PRDM5: variants seen among roughly 807,000 people sequenced by gnomAD.
PRDM5 encodes PR domain zinc finger protein 5.
A neutral mutation model predicts 81.2 loss-of-function variants in PRDM5; 56 were observed. The observed-to-expected ratio is 0.69, with a 90% CI of 0.56 to 0.86. PRDM5 has a LOEUF of 0.86. PRDM5 is among the 40% of genes least tolerant of loss of function. The probability of loss-of-function intolerance (pLI) is 0.00; values close to 1 mark genes in which losing one functional copy is unlikely to be tolerated. For missense variants in PRDM5, 697 were observed against 770.1 expected (o/e 0.91, Z 1.12); for synonymous variants, 267 against 256.4 (o/e 1.04, Z -0.39).
intron 15 of PRDM5, among the ~76,000 whole-genome samples, chr4:120,707,513 T>C (rs1431479073): frequency 1.3e-5 from 2 of 151,794 alleles, no homozygotes; most frequent in Non-Finnish European, 2.9e-5. Flanking sequence ...GAATAGACCC[T>C]TTCCTTATAC....
At chr4:120,842,246 C>A (rs571209081) in intron 3 of PRDM5, among the ~76,000 whole-genome samples, 5 of 152,306 alleles carry the variant, frequency 3.3e-5, no homozygotes, top group Admixed American at 1.3e-4. Flanking sequence ...TACACACATA[C>A]AAGTACATAC....
intron 15 of PRDM5, among the ~76,000 whole-genome samples, chr4:120,701,821 G>T (rs988874793): frequency 2.0e-5 from 3 of 150,810 alleles, no homozygotes; most frequent in African/African-American, 7.3e-5. Flanking sequence ...ATCTAAAATA[G>T]AAATTGAAAA....
intron 3 of PRDM5, among the ~76,000 whole-genome samples, chr4:120,833,341 A>G (rs1037256560): frequency 5.3e-5 from 8 of 151,986 alleles, no homozygotes; most frequent in African/African-American, 1.7e-4. Flanking sequence ...GTCACTTGGT[A>G]GCCTTCTCGG....
intron 8 of PRDM5, among the ~76,000 whole-genome samples, chr4:120,807,801 G>A (rs1409277699): frequency 6.6e-6 from 1 of 152,192 alleles, no homozygotes; most frequent in Non-Finnish European, 1.5e-5. Flanking sequence ...GACTTTCACG[G>A]TGAGTGTTAC....
intron 1 of PRDM5, among the ~76,000 whole-genome samples, chr4:120,685,984 C>T (rs2148974818): frequency 6.6e-6 from 1 of 152,062 alleles, no homozygotes; most frequent in Non-Finnish European, 1.5e-5. Flanking sequence ...CCTTAGTGTT[C>T]TCCTTGCAAT....
Position 120,785,108 on chromosome 4 carries a change from C to CT in PRDM5, c.1189-18dup. 6.4e-7 allele frequency: 1 copy of CT among 1,561,602 alleles called. No homozygotes were observed. Among genetic ancestry groups the CT allele is most frequent in the East Asian group, 2.2e-5 (1 of 44,588 alleles). On this transcript the variant is annotated splice_polypyrimidine_tract_variant and intron_variant, in intron 10 of 15. Coordinates refer to ENST00000264808, the MANE Select transcript of PRDM5 (RefSeq NM_018699.4). ...AGAGTGGGTCTGCAGAGGAAAAACA[C>CT]TGAGTCAGGAGGATCTAGAATCAAC...
intron 3 of PRDM5, among the ~76,000 whole-genome samples, chr4:120,850,026 G>C (rs1436536988): frequency 6.6e-6 from 1 of 151,956 alleles, no homozygotes; most frequent in Admixed American, 6.6e-5. Flanking sequence ...CATTTGCAAA[G>C]CAAATTTTTC....
chr4:120,816,437 T>C lies in PRDM5; in HGVS notation c.865+16A>G, dbSNP rs1257038915. 2.5e-6 allele frequency: 4 copies of C among 1,614,138 alleles called. No individual in the cohort carries two copies. Among genetic ancestry groups the C allele is most frequent in the East Asian group, 2.2e-5 (1 of 44,884 alleles). On this transcript the variant is annotated intron_variant, in intron 7 of 15. Coordinates refer to ENST00000264808, the MANE Select transcript of PRDM5 (RefSeq NM_018699.4). ...AAGGAAGCCCCTTCGGAAACGACCC[T>C]CCAACGACTCCTCACCAGTGTGGAC...
intron 2 of PRDM5, among the ~76,000 whole-genome samples, chr4:120,871,422 G>C (rs1466249381): frequency 6.6e-6 from 1 of 152,154 alleles, no homozygotes; most frequent in African/African-American, 2.4e-5. Flanking sequence ...GTGTCTAACA[G>C]GCAGATGTTG....
downstream of PRDM5, among the ~76,000 whole-genome samples, chr4:120,687,837 G>A (rs1302386428): frequency 2.6e-5 from 4 of 152,020 alleles, no homozygotes; most frequent in African/African-American, 7.2e-5. Flanking sequence ...TTCACCTTCC[G>A]CTATGGAATG....
intron 3 of PRDM5, among the ~76,000 whole-genome samples, chr4:120,835,773 C>T (rs903933525): frequency 1.8e-4 from 28 of 151,850 alleles, no homozygotes; most frequent in African/African-American, 6.5e-4. Flanking sequence ...AGGAAAGGAA[C>T]TCGCACATTT....
At chr4:120,814,694 G>T (rs1339045443) in intron 7 of PRDM5, among the ~76,000 whole-genome samples, 3 of 152,178 alleles carry the variant, frequency 2.0e-5, no homozygotes, top group Non-Finnish European at 4.4e-5. Context: ...TATGAGAGCT[G>T]CTTTGCTTGC....
At chr4:120,691,071 T>C (rs553478349), downstream of PRDM5, among the ~76,000 whole-genome samples, 5 of 152,288 alleles carry the variant, frequency 3.3e-5, no homozygotes, top group African/African-American at 1.2e-4. Context: ...AAATACTATA[T>C]ATTTTCTAAC....
intron 14 of PRDM5, among the ~76,000 whole-genome samples, chr4:120,754,325 C>T (rs1218226833): frequency 6.6e-6 from 1 of 151,912 alleles, no homozygotes; most frequent in Non-Finnish European, 1.5e-5. Flanking sequence ...AAAATTGAGT[C>T]CTGATTCAAA....
intron 14 of PRDM5, among the ~76,000 whole-genome samples, chr4:120,739,232 A>C (rs116828923): frequency 1.8e-3 from 268 of 152,340 alleles, no homozygotes; most frequent in African/African-American, 5.9e-3. Flanking sequence ...CTTCTGCTGT[A>C]TTCTATTATC....
chr4:120,725,092 G>C (rs996714024), intron 14 of PRDM5, among the ~76,000 whole-genome samples: 49 of 152,188 alleles, frequency 3.2e-4, no homozygotes, highest in Admixed American at 2.2e-3. Flanking sequence ...AAGTCATTCA[G>C]CCTAAAAGAT....
At chr4:120,838,207 A>G (rs1757584109) in intron 3 of PRDM5, 1 of 152,194 alleles carries the variant, frequency 6.6e-6, no homozygotes, top group Non-Finnish European at 1.5e-5. Flanking sequence ...TACCATAGAC[A>G]ATAGCCTACA....
chr4:120,687,495 A>G (rs1733882024), downstream of PRDM5, among the ~76,000 whole-genome samples: 1 of 152,102 alleles, frequency 6.6e-6, no homozygotes, highest in African/African-American at 2.4e-5. Context: ...ATTCCATTGT[A>G]GGTGTACATG....
intron 14 of PRDM5, among the ~76,000 whole-genome samples, chr4:120,713,376 G>C (rs544326785): frequency 6.6e-6 from 1 of 152,016 alleles, no homozygotes; most frequent in African/African-American, 2.4e-5. Flanking sequence ...TTTAACCCAA[G>C]CTTTTTTGTG....
Sources: allele counts gnomAD v4.1 joint callset (sites outside exome capture counted in the v4.1 genomes callset), GRCh38; gene constraint gnomAD v4.1.1; transcripts MANE v1.5; gene names NCBI Gene and HGNC (gene_info 2026-07-23, HGNC 2026-07-21).